Variants in ERC1 observed in about 807,000 individuals in gnomAD.
The protein encoded by ERC1 is ELKS/RAB6-interacting/CAST family member 1.
In ERC1, 56 loss-of-function variants were observed where a neutral mutation model predicts 132.0. That is an observed-to-expected ratio of 0.42 (90% confidence interval 0.34 to 0.53). The LOEUF (loss-of-function observed/expected upper bound fraction) is 0.53, where lower values mean the gene tolerates loss of function less well. Ranked by LOEUF, ERC1 falls within the 20% of genes least tolerant of loss-of-function variation. The pLI, the probability that ERC1 is intolerant of heterozygous loss-of-function variation, is 0.03. For synonymous variants in ERC1, 478 were observed against 476.1 expected (o/e 1.00, Z -0.05); for missense variants, 1,202 against 1,349.9 (o/e 0.89, Z 1.72).
intron 16 of ERC1, among the ~76,000 whole-genome samples, chr12:1,375,531 A>G (rs1206728556): frequency 1.3e-5 from 2 of 152,108 alleles, no homozygotes; most frequent in Non-Finnish European, 1.5e-5. Flanking sequence ...TCATCCAAAC[A>G]TTATGTAACT....
At chr12:1,022,650 G>A (rs1455851358) in intron 1 of ERC1, among the ~76,000 whole-genome samples, 1 of 152,112 alleles carries the variant, frequency 6.6e-6, no homozygotes, top group Non-Finnish European at 1.5e-5. Flanking sequence ...CTGATAGTGA[G>A]TGCTCACGAG....
chr12:1,382,808 T>A (rs1027138971), intron 16 of ERC1, among the ~76,000 whole-genome samples: 14 of 152,244 alleles, frequency 9.2e-5, no homozygotes, highest in African/African-American at 3.1e-4. Flanking sequence ...TTGCTTTTTT[T>A]ATGAAAGTAT....
At chr12:1,384,673 A>G (rs572228344) in intron 16 of ERC1, among the ~76,000 whole-genome samples, 3 of 152,314 alleles carry the variant, frequency 2.0e-5, no homozygotes, top group South Asian at 4.1e-4. Context: ...GAAGTTCAGT[A>G]TTTTCCCCCT....
chr12:1,067,439 G>A (rs1177666959), intron 2 of ERC1, among the ~76,000 whole-genome samples: 1 of 152,182 alleles, frequency 6.6e-6, no homozygotes, highest in Non-Finnish European at 1.5e-5. Context: ...AGGATGCCAG[G>A]TGATAGTAGC....
At chr12:1,423,024 G>A (rs2092484306) in intron 17 of ERC1, among the ~76,000 whole-genome samples, 1 of 152,168 alleles carries the variant, frequency 6.6e-6, no homozygotes, top group Non-Finnish European at 1.5e-5. Context: ...TTAGGCTAAG[G>A]CAGCTCCAAT....
intron 14 of ERC1, among the ~76,000 whole-genome samples, chr12:1,285,417 G>T (rs2078978248): frequency 6.6e-6 from 1 of 152,068 alleles, no homozygotes; most frequent in African/African-American, 2.4e-5. Context: ...CACCAAGAAA[G>T]TCAGCTGGTC....
chr12:1,474,494 T>A (rs1011299049), intron 18 of ERC1, among the ~76,000 whole-genome samples: 1 of 152,224 alleles, frequency 6.6e-6, no homozygotes, highest in African/African-American at 2.4e-5. Context: ...AACTGTATTT[T>A]CTCTTTTACA....
chr12:997,748 T>G (rs574070226), intron 1 of ERC1, among the ~76,000 whole-genome samples: 1 of 152,162 alleles, frequency 6.6e-6, no homozygotes, highest in Admixed American at 6.6e-5. Context: ...GAACTGGCAC[T>G]GGCAGGAAGG....
intron 18 of ERC1, among the ~76,000 whole-genome samples, chr12:1,447,370 T>C (rs1287670283): frequency 6.6e-6 from 1 of 151,570 alleles, no homozygotes; most frequent in Non-Finnish European, 1.5e-5. Flanking sequence ...ATTAAAATTA[T>C]CCAGACATGG....
At chr12:1,106,161 G>C (rs1593327489) in intron 4 of ERC1, among the ~76,000 whole-genome samples, 1 of 152,186 alleles carries the variant, frequency 6.6e-6, no homozygotes, top group South Asian at 2.1e-4. Context: ...AACAAATGGT[G>C]ATAGTAATAG....
chr12:1,204,410 G>A, intron 12 of ERC1: 1 of 1,078,804 alleles, frequency 9.3e-7, no homozygotes, highest in Non-Finnish European at 1.4e-6. Flanking sequence ...ATTTTATGAT[G>A]TCCATGAATA....
intron 18 of ERC1, among the ~76,000 whole-genome samples, chr12:1,469,566 A>G (rs776535804): frequency 6.6e-6 from 1 of 152,242 alleles, no homozygotes; most frequent in Non-Finnish European, 1.5e-5. Flanking sequence ...GTGTGAAGCC[A>G]TGTGGGTCCT....
At chr12:1,230,567 T>G (rs1050992147) in intron 12 of ERC1, among the ~76,000 whole-genome samples, 1 of 152,192 alleles carries the variant, frequency 6.6e-6, no homozygotes, top group African/African-American at 2.4e-5. Context: ...GTTGGATGGA[T>G]GTTTCATATA....
At chr12:1,065,013 T>G (rs1250706374) in intron 2 of ERC1, among the ~76,000 whole-genome samples, 1 of 152,148 alleles carries the variant, frequency 6.6e-6, no homozygotes, top group East Asian at 1.9e-4. Context: ...TTCTTTTTCT[T>G]TTTTTGAGGC....
At chr12:1,042,332 C>T (rs536380283) in intron 2 of ERC1, among the ~76,000 whole-genome samples, 18 of 140,306 alleles carry the variant, frequency 1.3e-4, no homozygotes, top group Non-Finnish European at 1.8e-4. Flanking sequence ...CCATTGCGCC[C>T]GGCCTGTTTT....
chr12:1,099,520 A>G, intron 3 of ERC1, among the ~76,000 whole-genome samples: 1 of 152,182 alleles, frequency 6.6e-6, no homozygotes, highest in Non-Finnish European at 1.5e-5. Context: ...AGGATCTCCT[A>G]ATTACTCTCT....
At chr12:1,363,776 G>A (rs781108872) in intron 15 of ERC1, among the ~76,000 whole-genome samples, 10 of 151,846 alleles carry the variant, frequency 6.6e-5, no homozygotes, top group Admixed American at 2.0e-4. Flanking sequence ...GGCTGGGCTC[G>A]AACTCCTGGG....
intron 7 of ERC1, among the ~76,000 whole-genome samples, chr12:1,132,562 G>T (rs992373892): frequency 6.6e-6 from 1 of 152,156 alleles, no homozygotes; most frequent in African/African-American, 2.4e-5. Context: ...ATAAAGTGCA[G>T]CTTGGGCATC....
intron 15 of ERC1, among the ~76,000 whole-genome samples, chr12:1,341,069 CTTTTTTTTTTTTTTTTTTTT>C (rs35902573): frequency 0.022 from 1,367 of 62,872 alleles, 8 homozygotes; most frequent in South Asian, 0.027. Context: ...TTTTCTTTTT[CTTTTTTTTTTTTTTTTTTTT>C]TTTTTTTTTT....
Sources: allele counts gnomAD v4.1 joint callset (sites outside exome capture counted in the v4.1 genomes callset), GRCh38; gene constraint gnomAD v4.1.1; transcripts MANE v1.5; gene names NCBI Gene and HGNC (gene_info 2026-07-23, HGNC 2026-07-21).